The following BRIP1 variants were observed in gnomAD, a reference collection of about 807,000 sequenced individuals.
BRIP1 encodes the protein BRCA1 interacting DNA helicase 1.
Under a neutral mutation model 119.7 loss-of-function variants are expected in BRIP1, and 88 were observed. That is an observed-to-expected ratio of 0.74 (90% CI 0.62 to 0.88). BRIP1 has a LOEUF of 0.88. BRIP1 is among the 40% of genes least tolerant of loss of function. The pLI is 0.00. For synonymous variants in BRIP1, 443 were observed against 496.5 expected, an observed-to-expected ratio of 0.89 and a Z score of 1.43; for missense variants, 1,259 against 1,455.4, an observed-to-expected ratio of 0.87 and a Z score of 2.20.
Position 61,831,444 on chromosome 17 carries a change from G to A in BRIP1, c.627+15657C>T, listed in dbSNP as rs896281126. Among the ~76,000 whole-genome samples, 3 of 152,118 alleles carry A rather than the reference G, an allele frequency of 2.0e-5. No individual in the cohort carries two copies. The highest frequency in any genetic ancestry group is 7.2e-5 in the African/African-American group (3 of 41,410). On this transcript the variant is annotated intron_variant, in intron 6 of 19. Coordinates refer to ENST00000259008, the MANE Select transcript of BRIP1 (RefSeq NM_032043.3). This position sits in a 1 kb window ranked among gnomAD's most constrained non-coding sequence, Gnocchi z 4.1. The stretch of plus-strand genomic sequence containing the variant: ...AAAAATGAATTCTACTTCTATAATA[G>A]TAATGAATAACTGGAAGGAAATTAT...
Position 61,775,167 on chromosome 17 carries a change from A to G in BRIP1, c.2097+1234T>C, listed in dbSNP as rs2077514675. 6.6e-6 allele frequency among the ~76,000 whole-genome samples: 1 copy of G among 152,162 alleles called. No homozygotes were observed. Among genetic ancestry groups the G allele is most frequent in the Non-Finnish European group, 1.5e-5 (1 of 68,004 alleles). On this transcript the variant is annotated intron_variant, in intron 14 of 19. Transcript: ENST00000259008. The surrounding 1 kb of genome is among the most constrained non-coding windows in gnomAD (Gnocchi z 4.4). The stretch of plus-strand genomic sequence containing the variant: ...TGACTTAGTATCAAGCTTAATTACT[A>G]GTTTTCCTAAATATAACTGTTTGGT...
Position 61,709,481 on chromosome 17 carries a change from A to G in BRIP1, c.2492+6470T>C, listed in dbSNP as rs1045538473. Among the ~76,000 whole-genome samples the G allele has an allele frequency of 2.6e-5, 4 of 152,188 alleles. No homozygotes were observed. Among genetic ancestry groups the G allele is most frequent in the African/African-American group, 9.6e-5 (4 of 41,460 alleles). On this transcript the variant is annotated intron_variant, in intron 17 of 19. Coordinates refer to ENST00000259008, the MANE Select transcript of BRIP1 (RefSeq NM_032043.3). This position sits in a 1 kb window ranked among gnomAD's most constrained non-coding sequence, Gnocchi z 5.0. Reference sequence around the variant, plus strand: ...CCTATAGGCTCCAAGGCAACAGACCATAACACTGGGAAGGATAGGAAGAAG... The same window carrying G: ...CCTATAGGCTCCAAGGCAACAGACCGTAACACTGGGAAGGATAGGAAGAAG...
At position 61,816,964 on chromosome 17, in the gene BRIP1, C is replaced by A. The variant is rs2145494080; in HGVS notation, c.628-8207G>T. ...CTTTCAGTGAAAAGTTATTAGGGAA[C>A]AGAATATTGACAAAGTCTCAAAATA... On this transcript the variant is annotated intron_variant, in intron 6 of 19. Transcript: ENST00000259008. The surrounding 1 kb of genome is among the most constrained non-coding windows in gnomAD (Gnocchi z 5.0). Among the ~76,000 whole-genome samples the A allele has an allele frequency of 6.6e-6, 1 of 152,198 alleles. No individual in the cohort carries two copies. Among genetic ancestry groups the A allele is most frequent in the South Asian group, 2.1e-4 (1 of 4,830 alleles).
rs926982835 is a variant in BRIP1 at position 61,736,368 on chromosome 17, G to A, written c.2379+6645C>T. On this transcript the variant is annotated intron_variant, in intron 16 of 19. Coordinates refer to ENST00000259008, the MANE Select transcript of BRIP1 (RefSeq NM_032043.3). The surrounding 1 kb of genome is among the most constrained non-coding windows in gnomAD (Gnocchi z 4.4). ...ATATTTAAATAAATAAATAATAAAA[G>A]AGGGATAGCTAATATAGTCAATATA... Among the ~76,000 whole-genome samples the A allele has an allele frequency of 9.9e-5, 15 of 152,056 alleles. 1 individual carries two copies. The highest frequency in any genetic ancestry group is 3.6e-4 in the African/African-American group (15 of 41,502).
chr17:61,841,379 A>C lies in BRIP1; in HGVS notation c.627+5722T>G, dbSNP rs1185984484. On this transcript the variant is annotated intron_variant, in intron 6 of 19. Transcript: ENST00000259008. The surrounding 1 kb of genome is among the most constrained non-coding windows in gnomAD (Gnocchi z 4.1). The stretch of plus-strand genomic sequence containing the variant: ...AGCAAAAAAAAAAAAATCTGATTTT[A>C]AAATAGGCAAAGGGTGTGAATAAAC... 6.6e-6 allele frequency among the ~76,000 whole-genome samples: 1 copy of C among 152,124 alleles called. No individual in the cohort carries two copies. The highest frequency in any genetic ancestry group is 1.5e-5 in the Non-Finnish European group (1 of 68,012).
chr17:61,774,519 G>T lies in BRIP1; in HGVS notation c.2097+1882C>A, dbSNP rs1241077684. 2.0e-5 allele frequency among the ~76,000 whole-genome samples: 3 copies of T among 152,072 alleles called. No homozygotes were observed. Among genetic ancestry groups the T allele is most frequent in the African/African-American group, 7.2e-5 (3 of 41,390 alleles). ...TTGATGGGTGCAGCAAACCAGCATGGCACATGTATACGTATGTAACAAACC... is the reference window on the plus strand; with the variant it reads ...TTGATGGGTGCAGCAAACCAGCATGTCACATGTATACGTATGTAACAAACC... On this transcript the variant is annotated intron_variant, in intron 14 of 19. Transcript: ENST00000259008. The surrounding 1 kb of genome is among the most constrained non-coding windows in gnomAD (Gnocchi z 5.8).
At chr17:61,692,936 G>T (rs1033151663) in intron 18 of BRIP1, among the ~76,000 whole-genome samples, 7 of 152,134 alleles carry the variant, frequency 4.6e-5, no homozygotes, top group Non-Finnish European at 1.0e-4. Flanking sequence ...TTGCAGCATT[G>T]TTCCCAATAT....
At chr17:61,764,705 G>C (rs2077326109) in intron 14 of BRIP1, among the ~76,000 whole-genome samples, 1 of 151,844 alleles carries the variant, frequency 6.6e-6, no homozygotes, top group African/African-American at 2.4e-5. Flanking sequence ...AAAATGTACA[G>C]TAAATTAATC....
At chr17:61,688,460 G>A (rs1007166763) in intron 18 of BRIP1, among the ~76,000 whole-genome samples, 1 of 152,014 alleles carries the variant, frequency 6.6e-6, no homozygotes, top group Non-Finnish European at 1.5e-5. Flanking sequence ...CAACATGGGC[G>A]ACAGAGTGAG....
chr17:61,768,024 T>C lies in BRIP1; in HGVS notation c.2097+8377A>G, dbSNP rs2077396491. ...CCATTATCATTCTTCTTAATCTCTC[T>C]AATGATTACAAATTTTGTCAAATAA... On this transcript the variant is annotated intron_variant, in intron 14 of 19. Coordinates refer to ENST00000259008, the MANE Select transcript of BRIP1 (RefSeq NM_032043.3). The surrounding 1 kb of genome is among the most constrained non-coding windows in gnomAD (Gnocchi z 5.0). Among the ~76,000 whole-genome samples the C allele has an allele frequency of 6.6e-6, 1 of 152,200 alleles. No homozygotes were observed. Among genetic ancestry groups the C allele is most frequent in the South Asian group, 2.1e-4 (1 of 4,834 alleles).
At chr17:61,786,884 TATAA>T (rs1355403123) in intron 10 of BRIP1, among the ~76,000 whole-genome samples, 15 of 120,420 alleles carry the variant, frequency 1.2e-4, no homozygotes, top group African/African-American at 3.2e-4. Flanking sequence ...TATATTAATA[TATAA>T]ATATATTTTA....
rs34789764 is a variant in BRIP1, at chr17:61,833,670, C to CAA, written c.627+13429_627+13430dup. The stretch of plus-strand genomic sequence containing the variant: ...TGGGTGACAAAGCAAGACTCCACCT[C>CAA]AAAAAAAAAAAAAAAAGCCATAATT... On this transcript the variant is annotated intron_variant, in intron 6 of 19. Transcript: ENST00000259008. Among the ~76,000 whole-genome samples the CAA allele has an allele frequency of 2.6e-3, 321 of 121,148 alleles. 12 individuals are homozygous for CAA. The East Asian group carries it at 0.06, about 23-fold the overall frequency. 79.5% of individuals were successfully genotyped at this position (121,148 alleles called of 152,430 possible).
chr17:61,786,040 C>A (rs2077700309), intron 10 of BRIP1, among the ~76,000 whole-genome samples: 1 of 152,068 alleles, frequency 6.6e-6, no homozygotes, highest in Admixed American at 6.6e-5. Flanking sequence ...AAGTAAGCTA[C>A]ATGCATTACT....
chr17:61,714,522 T>C (rs1217103096), intron 17 of BRIP1, among the ~76,000 whole-genome samples: 1 of 152,186 alleles, frequency 6.6e-6, no homozygotes, highest in Admixed American at 6.5e-5. Flanking sequence ...ATATAGCCTA[T>C]ATGTGTAGTA....
chr17:61,859,654 T>C, intron 3 of BRIP1, 142 bp downstream of exon 3: 1 of 673,916 alleles, frequency 1.5e-6, no homozygotes, highest in Admixed American at 2.3e-5. Flanking sequence ...TTTTGGAAGA[T>C]TTATAACTTA....
rs1372443415 is a variant in BRIP1, at chr17:61,734,627, C to T, written c.2379+8386G>A. Reference sequence around the variant, plus strand: ...TTGGCTCCAAAATGAAATTTTCCTACCTCTACTTTCTAGTCCCTAAGGTGG... The same window carrying T: ...TTGGCTCCAAAATGAAATTTTCCTATCTCTACTTTCTAGTCCCTAAGGTGG... On this transcript the variant is annotated intron_variant, in intron 16 of 19. Transcript: ENST00000259008. This position sits in a 1 kb window ranked among gnomAD's most constrained non-coding sequence, Gnocchi z 5.2. Among the ~76,000 whole-genome samples, 1 of 152,164 alleles carries T rather than the reference C, an allele frequency of 6.6e-6. No homozygotes were observed. The highest frequency in any genetic ancestry group is 2.4e-5 in the African/African-American group (1 of 41,448).
At chr17:61,782,502 A>T (rs1053505072) in intron 11 of BRIP1, among the ~76,000 whole-genome samples, 1 of 152,142 alleles carries the variant, frequency 6.6e-6, no homozygotes, top group African/African-American at 2.4e-5. Context: ...AAAGAGAAAG[A>T]TAAATTGGAC....
intron 11 of BRIP1, among the ~76,000 whole-genome samples, chr17:61,782,652 TCAACAA>T (rs1259049721): frequency 6.6e-6 from 1 of 151,778 alleles, no homozygotes; most frequent in Non-Finnish European, 1.5e-5. Flanking sequence ...TAACTACAGC[TCAACAA>T]CAACAACAAA....
intron 7 of BRIP1, among the ~76,000 whole-genome samples, chr17:61,801,734 T>A (rs149169288): frequency 1.5e-4 from 23 of 152,162 alleles, no homozygotes; most frequent in African/African-American, 5.3e-4. Flanking sequence ...TTGAAAAAAA[T>A]TTCTTTTAAA....
Sources: allele counts gnomAD v4.1 joint callset (sites outside exome capture counted in the v4.1 genomes callset), GRCh38; gene constraint gnomAD v4.1.1; non-coding constraint Gnocchi (gnomAD v3.1); transcripts MANE v1.5; gene names NCBI Gene and HGNC (gene_info 2026-07-23, HGNC 2026-07-21).